The following PLXNC1 variants were observed in gnomAD, a reference collection of about 807,000 sequenced individuals.
PLXNC1 encodes the protein plexin-C1.
In PLXNC1, 75 loss-of-function variants were observed where a neutral mutation model predicts 178.2. The observed-to-expected ratio is 0.42, with a 90% CI of 0.35 to 0.51. PLXNC1 has a LOEUF of 0.51. Among genes scored for constraint, PLXNC1 ranks in the 20% least tolerant of loss-of-function variants. The probability of loss-of-function intolerance (pLI) is 0.02; values close to 1 mark genes in which losing one functional copy is unlikely to be tolerated. For synonymous variants in PLXNC1, 790 were observed against 779.9 expected (o/e 1.01, Z -0.22); for missense variants, 1,503 against 1,984.4 (o/e 0.76, Z 4.61).
rs760054131 is a variant in PLXNC1 at position 94,279,810 on chromosome 12, G to A, written c.3775+161G>A. On this transcript the variant is annotated intron_variant, in intron 22 of 30. Coordinates refer to ENST00000258526, the MANE Select transcript of PLXNC1 (RefSeq NM_005761.3). ...GGGCATGTCTAGGGGCCAAGAGACT[G>A]CTTTGGTCTCTCATGGGCATCCTGA... 21 of 729,986 alleles carry A rather than the reference G, an allele frequency of 2.9e-5. No homozygotes were observed. The East Asian group carries it at 5.4e-4, about 19-fold the overall frequency. The allele number at this position is 729,986 out of a possible 1,614,324, so 45.2% of individuals were successfully genotyped here. A position where few individuals can be genotyped will look rare whatever the true frequency, so the allele number is the denominator to read the frequency against.
In PLXNC1 at chr12:94,260,606, G is replaced by A. The variant is rs1217925083; in HGVS notation, c.3252-36G>A. On this transcript the variant is annotated intron_variant, in intron 19 of 30. Transcript: ENST00000258526. This position sits in a 1 kb window ranked among gnomAD's most constrained non-coding sequence, Gnocchi z 4.4. ...CTCCCATGGGTGTCCAGCTAGGCCT[G>A]CAGCCAATGGTTCACCCAGCTCTCT... 17 of 1,531,590 alleles carry A rather than the reference G, an allele frequency of 1.1e-5. No individual in the cohort carries two copies. The highest frequency in any genetic ancestry group is 1.4e-5 in the Non-Finnish European group (16 of 1,110,110). 94.9% of individuals were successfully genotyped at this position (1,531,590 alleles called of 1,614,324 possible).
chr12:94,213,634 C>A (rs893716100), intron 5 of PLXNC1, among the ~76,000 whole-genome samples: 17 of 152,036 alleles, frequency 1.1e-4, no homozygotes, highest in Non-Finnish European at 1.5e-4. Context: ...TTTCTTTTGC[C>A]GTGCAGAAGC....
chr12:94,185,101 A>T (rs1212183202), intron 3 of PLXNC1, among the ~76,000 whole-genome samples: 1 of 152,242 alleles, frequency 6.6e-6, no homozygotes, highest in African/African-American at 2.4e-5. Flanking sequence ...ATTGCATGAC[A>T]CTTATTAAAA....
Position 94,243,969 on chromosome 12 carries a change from A to C in PLXNC1, c.2332A>C (p.Asn778His), listed in dbSNP as rs760516794. ...GGQNITMMGR[N>H]FDVIDNLIIS... ...TCAAAATATAACCATGATGGGCAGAAATTTTGATGTAATTGACAACTTAAT... is the reference window on the plus strand; with the variant it reads ...TCAAAATATAACCATGATGGGCAGACATTTTGATGTAATTGACAACTTAAT... The change falls in exon 12 of 31, where the codon AAT (asparagine) becomes CAT (histidine). Residue 778 changes from asparagine to histidine, a missense_variant. This residue lies in a region of PLXNC1 where 639 missense variants were observed against 979.7 expected (regional missense o/e 0.65). Transcript: ENST00000258526. 1 of 1,600,650 alleles carries C rather than the reference A, an allele frequency of 6.2e-7. No homozygotes were observed. Among genetic ancestry groups the C allele is most frequent in the South Asian group, 1.1e-5 (1 of 90,370 alleles).
In PLXNC1 at chr12:94,209,685, T is replaced by C; in HGVS notation, c.1535T>C (p.Ile512Thr). The C allele has an allele frequency of 1.2e-6, 2 of 1,604,894 alleles. No individual in the cohort carries two copies. The highest frequency in any genetic ancestry group is 1.7e-6 in the Non-Finnish European group (2 of 1,171,578). The change falls in exon 5 of 31, where the codon ATT (isoleucine) becomes ACT (threonine). Residue 512 changes from isoleucine to threonine, a missense_variant. This residue lies in a region of PLXNC1 where 615 missense variants were observed against 698.6 expected (regional missense o/e 0.88). Coordinates refer to ENST00000258526, the MANE Select transcript of PLXNC1 (RefSeq NM_005761.3). ...GAKKCPKIQI[I>T]RSSKEKTTVT... ...AAAAAGTGCCCTAAAATTCAGATAATTCGAAGCAGTAAAGAAAAGGTAAGA... is the reference window on the plus strand; with the variant it reads ...AAAAAGTGCCCTAAAATTCAGATAACTCGAAGCAGTAAAGAAAAGGTAAGA...
intron 27 of PLXNC1, among the ~76,000 whole-genome samples, chr12:94,300,261 C>T (rs796753612): frequency 6.6e-6 from 1 of 152,248 alleles, no homozygotes; most frequent in African/African-American, 2.4e-5. Flanking sequence ...TAGTATGTGT[C>T]AGGACTAGGT....
intron 8 of PLXNC1, 38 bp downstream of exon 8, chr12:94,226,745 C>G: frequency 7.0e-7 from 1 of 1,423,148 alleles, no homozygotes; most frequent in African/African-American, 1.4e-5. Context: ...TCTTAACCGC[C>G]GGGCATGGTG....
intron 11 of PLXNC1, among the ~76,000 whole-genome samples, chr12:94,243,643 G>A (rs186460107): frequency 7.2e-5 from 11 of 152,228 alleles, no homozygotes; most frequent in African/African-American, 1.7e-4. Flanking sequence ...TATATGTGGC[G>A]ATATGACACA....
intron 7 of PLXNC1, 153 bp from the exon 8 acceptor site, chr12:94,226,452 C>T: frequency 1.7e-6 from 1 of 576,094 alleles, no homozygotes; most frequent in Non-Finnish European, 3.1e-6. Flanking sequence ...CTTCCAAGAG[C>T]AGGGCACAAA....
chr12:94,263,768 G>A (rs760769884), intron 20 of PLXNC1, among the ~76,000 whole-genome samples: 1 of 152,182 alleles, frequency 6.6e-6, no homozygotes, highest in Non-Finnish European at 1.5e-5. Context: ...CTTCTGCCCT[G>A]CACTGAAGAG....
chr12:94,278,284 A>G (rs376850864), intron 21 of PLXNC1: 3 of 348,520 alleles, frequency 8.6e-6, no homozygotes, highest in African/African-American at 6.4e-5. Flanking sequence ...GTGCATTAGA[A>G]TCTAAACTGC....
intron 2 of PLXNC1, among the ~76,000 whole-genome samples, chr12:94,177,191 AT>A (rs1962110851): frequency 1.8e-5 from 1 of 56,736 alleles, no homozygotes; most frequent in Non-Finnish European, 3.1e-5. Context: ...ATATATGTAT[AT>A]ATATATACGT....
Position 94,149,140 on chromosome 12 carries a change from G to T in PLXNC1, c.169G>T (p.Val57Leu). The change falls in exon 1 of 31, where the codon GTG becomes TTG. Residue 57 changes from valine to leucine, a missense_variant. This residue lies in a region of PLXNC1 where 176 missense variants were observed against 180.7 expected (regional missense o/e 0.97). Coordinates refer to ENST00000258526, the MANE Select transcript of PLXNC1 (RefSeq NM_005761.3). Reference protein sequence around the residue: ...GAIAASQEDGVFVASGSCLDQ... With the variant: ...GAIAASQEDGLFVASGSCLDQ... ...CATCGCGGCGAGCCAGGAGGACGGCGTGTTTGTGGCGAGCGGCAGCTGCCT... is the reference window on the plus strand; with the variant it reads ...CATCGCGGCGAGCCAGGAGGACGGCTTGTTTGTGGCGAGCGGCAGCTGCCT... 6.3e-7 allele frequency: 1 copy of T among 1,590,450 alleles called. No individual in the cohort carries two copies. The highest frequency in any genetic ancestry group is 1.4e-5 in the African/African-American group (1 of 72,300).
intron 13 of PLXNC1, 53 bp from the exon 14 acceptor site, chr12:94,248,174 C>T (rs1964584856): frequency 3.8e-6 from 6 of 1,592,208 alleles, no homozygotes; most frequent in South Asian, 3.3e-5. Context: ...TGTTTATGCT[C>T]GTGAGTTTCT....
chr12:94,243,736 A>T (rs1964452570), intron 11 of PLXNC1, among the ~76,000 whole-genome samples: 1 of 152,222 alleles, frequency 6.6e-6, no homozygotes, highest in Non-Finnish European at 1.5e-5. Flanking sequence ...ATATTTATGC[A>T]TCTTGAAACC....
Position 94,260,930 on chromosome 12 carries a change from G to A in PLXNC1, c.3450+90G>A. ...TGATGCCTTTGCCAGGATAAATCCT[G>A]AATGCTCGATGGTGTCAGCACTTAA... is the stretch of plus-strand genomic sequence containing the variant. On this transcript the variant is annotated intron_variant, in intron 20 of 30. Transcript: ENST00000258526. The surrounding 1 kb of genome is among the most constrained non-coding windows in gnomAD (Gnocchi z 4.4). The A allele has an allele frequency of 9.2e-7, 1 of 1,090,300 alleles. No homozygotes were observed. The allele number at this position is 1,090,300 out of a possible 1,614,324, so 67.5% of individuals were successfully genotyped here.
intron 23 of PLXNC1, among the ~76,000 whole-genome samples, chr12:94,290,524 CCCA>C (rs1179265802): frequency 6.6e-6 from 1 of 152,246 alleles, no homozygotes; most frequent in Non-Finnish European, 1.5e-5. Context: ...CTGCCCCCAC[CCCA>C]CCACCAAGAT....
intron 9 of PLXNC1, among the ~76,000 whole-genome samples, chr12:94,233,776 A>G (rs1462420074): frequency 2.0e-5 from 3 of 151,796 alleles, no homozygotes; most frequent in Non-Finnish European, 4.4e-5. Flanking sequence ...GTATTTTGCT[A>G]TTTTCTTTCC....
intron 30 of PLXNC1, among the ~76,000 whole-genome samples, chr12:94,304,948 T>C (rs1968850321): frequency 1.3e-5 from 2 of 152,358 alleles, no homozygotes; most frequent in South Asian, 4.1e-4. Context: ...TGGCCCCATA[T>C]TTGTAAGCAA....
Sources: allele counts gnomAD v4.1 joint callset (sites outside exome capture counted in the v4.1 genomes callset), GRCh38; gene constraint gnomAD v4.1.1; regional missense constraint gnomAD v4.1.1; non-coding constraint Gnocchi (gnomAD v3.1); transcripts MANE v1.5; gene names NCBI Gene and HGNC (gene_info 2026-07-23, HGNC 2026-07-21).